The following OXSR1 variants were observed in gnomAD, a reference collection of about 807,000 sequenced individuals.
OXSR1 encodes oxidative stress responsive kinase 1.
Under a neutral mutation model 79.8 loss-of-function variants are expected in OXSR1, and 24 were observed. That is an observed-to-expected ratio of 0.30 (90% CI 0.22 to 0.42). The LOEUF (loss-of-function observed/expected upper bound fraction) is 0.42. Ranked by LOEUF, OXSR1 falls within the 10% of genes least tolerant of loss-of-function variation. The pLI is 1.00. For synonymous variants in OXSR1, 226 were observed against 209.2 expected, an observed-to-expected ratio of 1.08 and a Z score of -0.69; for missense variants, 430 against 618.4, an observed-to-expected ratio of 0.70 and a Z score of 3.23.
At chr3:38,227,732 T>C (rs186499617) in intron 8 of OXSR1, among the ~76,000 whole-genome samples, 1 of 152,202 alleles carries the variant, frequency 6.6e-6, no homozygotes, top group East Asian at 1.9e-4. Context: ...CCCCCCAGAA[T>C]TCCAAGCAGT....
chr3:38,167,763 G>A (rs1444437572), intron 1 of OXSR1, among the ~76,000 whole-genome samples: 1 of 152,154 alleles, frequency 6.6e-6, no homozygotes, highest in Non-Finnish European at 1.5e-5. Flanking sequence ...GCTAGTTCCC[G>A]GTCTGGACTG....
At chr3:38,239,703 TG>T (rs1222819359) in intron 11 of OXSR1, among the ~76,000 whole-genome samples, 1 of 152,228 alleles carries the variant, frequency 6.6e-6, no homozygotes, top group Non-Finnish European at 1.5e-5. Context: ...CATTCAAAAG[TG>T]ACCGTCTGCA....
At position 38,236,706 on chromosome 3, in the gene OXSR1, G is replaced by T. The variant is rs1373293704; in HGVS notation, c.952-133G>T. On this transcript the variant is annotated intron_variant, in intron 10 of 17. Transcript: ENST00000311806. ...GGTGATGGTTGGAGGATATGAATTTGTATGGGAACATTTATGGGGAAAATG... is the reference window on the plus strand; with the variant it reads ...GGTGATGGTTGGAGGATATGAATTTTTATGGGAACATTTATGGGGAAAATG... 3.9e-6 allele frequency: 3 copies of T among 777,582 alleles called. No individual in the cohort carries two copies. The East Asian group carries it at 8.2e-5, about 21-fold the overall frequency. The allele number at this position is 777,582 out of a possible 1,614,324, so 48.2% of individuals were successfully genotyped here. A position where few individuals can be genotyped will look rare whatever the true frequency, so the allele number is the denominator to read the frequency against.
At chr3:38,204,743 ATC>A (rs1264977892) in intron 4 of OXSR1, among the ~76,000 whole-genome samples, 2 of 151,482 alleles carry the variant, frequency 1.3e-5, no homozygotes, top group African/African-American at 4.8e-5. Flanking sequence ...GAAGAAAGGA[ATC>A]TCTCCCAGAG....
At chr3:38,176,311 G>A (rs890094779) in intron 1 of OXSR1, among the ~76,000 whole-genome samples, 12 of 152,114 alleles carry the variant, frequency 7.9e-5, no homozygotes, top group African/African-American at 2.7e-4. Context: ...TAATCCTTCT[G>A]TATTATTAGA....
intron 8 of OXSR1, 22 bp from the exon 9 acceptor site, chr3:38,229,664 CT>C (rs1462260217): frequency 8.1e-6 from 13 of 1,599,862 alleles, no homozygotes; most frequent in Non-Finnish European, 1.1e-5. Context: ...AAAAACTTTT[CT>C]TCCCTCCCTT....
Position 38,223,479 on chromosome 3 carries a change from G to A in OXSR1, c.601-333G>A, listed in dbSNP as rs191681107. Among the ~76,000 whole-genome samples, 439 of 145,248 alleles carry A rather than the reference G, an allele frequency of 3.0e-3. 1 individual carries two copies. Among genetic ancestry groups the A allele is most frequent in the African/African-American group, 0.011 (419 of 39,272 alleles). On this transcript the variant is annotated intron_variant, in intron 6 of 17. Transcript: ENST00000311806. ...TTTTTTGAGGTGGAATTTCACTCTT[G>A]TTGCCCAGGCTGGAGTGCAATGGCA...
At chr3:38,198,557 TAA>T (rs1702106465) in intron 3 of OXSR1, among the ~76,000 whole-genome samples, 163 bp from the exon 4 acceptor site, 1 of 152,236 alleles carries the variant, frequency 6.6e-6, no homozygotes, top group South Asian at 2.1e-4. Context: ...GAATTGAAAA[TAA>T]GTTATTAATT....
intron 2 of OXSR1, among the ~76,000 whole-genome samples, chr3:38,189,690 A>G (rs567711682): frequency 1.1e-3 from 160 of 152,328 alleles, no homozygotes; most frequent in African/African-American, 3.7e-3. Flanking sequence ...TTCAACAAAT[A>G]TTTATTGAAG....
intron 1 of OXSR1, among the ~76,000 whole-genome samples, chr3:38,169,637 G>T (rs1168618060): frequency 6.6e-6 from 1 of 150,632 alleles, no homozygotes; most frequent in Non-Finnish European, 1.5e-5. Flanking sequence ...AGAAGTGTGT[G>T]TATGTGTGTT....
At chr3:38,176,233 A>G (rs1167343854) in intron 1 of OXSR1, among the ~76,000 whole-genome samples, 1 of 152,200 alleles carries the variant, frequency 6.6e-6, no homozygotes, top group Non-Finnish European at 1.5e-5. Context: ...AACCCAGTAA[A>G]TGGTTAAACA....
chr3:38,244,671 G>GCA (rs1553639128), intron 12 of OXSR1, among the ~76,000 whole-genome samples: 1 of 118,380 alleles, frequency 8.4e-6, no homozygotes, highest in Non-Finnish European at 1.7e-5. Flanking sequence ...GTGTGTGCGT[G>GCA]CGCATGTACC....
At chr3:38,251,721 A>C (rs543707225) in intron 16 of OXSR1, among the ~76,000 whole-genome samples, 1 of 152,338 alleles carries the variant, frequency 6.6e-6, no homozygotes, top group East Asian at 1.9e-4. Context: ...AATAGAAATT[A>C]TGGCAAAAGT....
intron 13 of OXSR1, among the ~76,000 whole-genome samples, chr3:38,247,384 A>G (rs1361790901): frequency 1.3e-5 from 2 of 152,174 alleles, no homozygotes; most frequent in African/African-American, 2.4e-5. Context: ...AGAGGGGAAC[A>G]GGGGTCTCAG....
chr3:38,165,774 CGCGGCGGCGGCGGCG>C lies in OXSR1; in HGVS notation c.-97_-83del, dbSNP rs900019822. 4.5e-5 allele frequency: 45 copies of C among 1,008,716 alleles called. No individual in the cohort carries two copies. The highest frequency in any genetic ancestry group is 5.7e-5 in the Non-Finnish European group (38 of 671,848). The allele number at this position is 1,008,716 out of a possible 1,614,324, so 62.5% of individuals were successfully genotyped here. ...GCTGTTCCGAGACGATTGGTGGGGG[CGCGGCGGCGGCGGCG>C]GCGGCTGTTGGGGGTGGGGAGACGC... On this transcript the variant is annotated 5_prime_UTR_variant, in exon 1 of 18. Transcript: ENST00000311806.
Position 38,224,659 on chromosome 3 carries a change from T to G in OXSR1, c.791T>G (p.Phe264Cys). ...ATGCTGAAAAAATATGGAAAATCAT[T>G]TAGAAAAATGATTTCATTGTGCCTT... is the stretch of plus-strand genomic sequence containing the variant. ...KEMLKKYGKSFRKMISLCLQK... is the reference protein window; with the variant it reads ...KEMLKKYGKSCRKMISLCLQK... Residue 264 changes from phenylalanine (F) to cysteine (C), a missense_variant, in exon 8 of 18, where the codon TTT becomes TGT. Phe to Cys is a radical substitution (Grantham distance 205). Coordinates refer to ENST00000311806, the MANE Select transcript of OXSR1 (RefSeq NM_005109.3). 6.3e-7 allele frequency: 1 copy of G among 1,591,324 alleles called. No individual in the cohort carries two copies. The highest frequency in any genetic ancestry group is 8.6e-7 in the Non-Finnish European group (1 of 1,167,422).
rs189787134 is a variant in OXSR1 at position 38,201,442 on chromosome 3, G to A, written c.434+2579G>A. On this transcript the variant is annotated intron_variant, in intron 4 of 17. Coordinates refer to ENST00000311806, the MANE Select transcript of OXSR1 (RefSeq NM_005109.3). ...TATCCAGATACGGGCCAGGCATGGT[G>A]ACTCACGCCTGTAATCCCAGCACTT... is the stretch of plus-strand genomic sequence containing the variant. Among the ~76,000 whole-genome samples the A allele has an allele frequency of 9.5e-4, 144 of 152,114 alleles. 1 individual carries two copies. Among genetic ancestry groups the A allele is most frequent in the African/African-American group, 3.2e-3 (132 of 41,476 alleles).
Position 38,230,384 on chromosome 3 carries a change from A to G in OXSR1, c.905A>G (p.Glu302Gly). The G allele has an allele frequency of 6.2e-7, 1 of 1,600,026 alleles. No individual in the cohort carries two copies. Among genetic ancestry groups the G allele is most frequent in the Non-Finnish European group, 8.5e-7 (1 of 1,169,656 alleles). Residue 302 changes from glutamate to glycine, a missense_variant, in exon 10 of 18, where the codon GAA (glutamate) becomes GGA (glycine). This residue lies in a region of OXSR1 where 276 missense variants were observed against 354.2 expected (regional missense o/e 0.78). Coordinates refer to ENST00000311806, the MANE Select transcript of OXSR1 (RefSeq NM_005109.3). ...QKAKNKEFLQEKTLQRAPTIS... is the reference protein window; with the variant it reads ...QKAKNKEFLQGKTLQRAPTIS... ...CTCCAGAATAAAGAATTTCTTCAAG[A>G]AAAAACATTGCAGAGAGCACCAACC... is the stretch of plus-strand genomic sequence containing the variant.
chr3:38,181,353 AG>A (rs1701781806), intron 1 of OXSR1, among the ~76,000 whole-genome samples: 1 of 147,074 alleles, frequency 6.8e-6, no homozygotes, highest in Non-Finnish European at 1.5e-5. Flanking sequence ...TTGTTTCAAA[AG>A]TTTTTTTTTT....
Sources: gnomAD v4.1 joint callset for allele counts (sites outside exome capture counted in the v4.1 genomes callset) on GRCh38, gnomAD v4.1.1 for gene constraint, gnomAD v4.1.1 regional missense constraint, MANE v1.5 for transcripts, NCBI Gene and HGNC (gene_info 2026-07-23, HGNC 2026-07-21) for gene names.